STMN4: variants seen among roughly 807,000 people sequenced by gnomAD.
The protein encoded by STMN4 is stathmin-4.
STMN4 carries 12 observed loss-of-function variants against 29.1 expected under a neutral mutation model. That is an observed-to-expected ratio of 0.41 (90% CI 0.26 to 0.67). The LOEUF (loss-of-function observed/expected upper bound fraction) is 0.67. Among genes scored for constraint, STMN4 ranks in the 30% least tolerant of loss-of-function variants. The pLI, the probability that STMN4 is intolerant of heterozygous loss-of-function variation, is 0.30. For missense variants in STMN4, 181 were observed against 262.8 expected, an observed-to-expected ratio of 0.69 and a Z score of 2.15; for synonymous variants, 114 against 105.3, an observed-to-expected ratio of 1.08 and a Z score of -0.51.
chr8:27,244,688 C>G (rs1236518170), intron 1 of STMN4, among the ~76,000 whole-genome samples: 1 of 151,930 alleles, frequency 6.6e-6, no homozygotes, highest in Admixed American at 6.6e-5. Flanking sequence ...GTGAGAACGC[C>G]ACTCAGTGTC....
intron 3 of STMN4, 97 bp downstream of exon 3, chr8:27,242,300 G>T: frequency 8.3e-7 from 1 of 1,197,642 alleles, no homozygotes; most frequent in Non-Finnish European, 1.2e-6. Context: ...TGTCTCGGGA[G>T]GAGAGATTCA....
At chr8:27,239,657 T>C in intron 6 of STMN4, 1 of 1,391,874 alleles carries the variant, frequency 7.2e-7, no homozygotes, top group Non-Finnish European at 9.4e-7. Context: ...CCTGCTTGTC[T>C]ATCTCTACTC....
chr8:27,239,380 C>G, intron 6 of STMN4: 1 of 1,346,880 alleles, frequency 7.4e-7, no homozygotes, highest in South Asian at 1.3e-5. Flanking sequence ...CTCAGCAGAA[C>G]GGGCCGGTAT....
chr8:27,253,388 T>G (rs1801848260), intron 1 of STMN4, among the ~76,000 whole-genome samples: 1 of 152,270 alleles, frequency 6.6e-6, no homozygotes, highest in Non-Finnish European at 1.5e-5. Context: ...TCTAATGATT[T>G]TATTTGTGTG....
intron 1 of STMN4, among the ~76,000 whole-genome samples, chr8:27,244,856 G>A (rs1463857616): frequency 6.6e-6 from 1 of 152,210 alleles, no homozygotes; most frequent in Non-Finnish European, 1.5e-5. Context: ...CAAAGAGAGT[G>A]AGGAGCAGCC....
Position 27,242,454 on chromosome 8 carries a change from A to T in STMN4, c.52T>A (p.Leu18Met). Residue 18 changes from leucine (L) to methionine (M), a missense_variant, in exon 3 of 7, where the codon TTG becomes ATG. By Grantham distance (15) the Leu-to-Met change is conservative. Coordinates refer to ENST00000350889, the MANE Select transcript of STMN4 (RefSeq NM_030795.4). ...TCGGCCAGGAAGCAGGAGCAGAACAAGGACACCAGCGGGAGCTCCTTCATC... is the reference window on the plus strand; with the variant it reads ...TCGGCCAGGAAGCAGGAGCAGAACATGGACACCAGCGGGAGCTCCTTCATC... ...EKMKELPLVS[L>M]FCSCFLADPL... The T allele has an allele frequency of 6.2e-7, 1 of 1,614,194 alleles. No individual in the cohort carries two copies. Among genetic ancestry groups the T allele is most frequent in the Non-Finnish European group, 8.5e-7 (1 of 1,180,020 alleles).
chr8:27,250,686 C>T (rs1306728895), intron 1 of STMN4, among the ~76,000 whole-genome samples: 1 of 152,182 alleles, frequency 6.6e-6, no homozygotes, highest in African/African-American at 2.4e-5. Flanking sequence ...ACCTCTTAGG[C>T]TCTTGCTTCC....
At position 27,241,255 on chromosome 8, in the gene STMN4, C is replaced by A. The variant is rs758193010; in HGVS notation, c.198G>T (p.Thr66=). ...DWRERRAQAD[T]VDLNWCVISD... ...AAATGACGCACCAATTCAGGTCCAC[C>A]GTGTCTGCTACAGAGGGCAGAGAAG... Residue 66 remains threonine (T), a synonymous_variant, in exon 5 of 7, where the codon ACG becomes ACT. Coordinates refer to ENST00000350889, the MANE Select transcript of STMN4 (RefSeq NM_030795.4). 1 of 1,614,154 alleles carries A rather than the reference C, an allele frequency of 6.2e-7. No homozygotes were observed. Among genetic ancestry groups the A allele is most frequent in the Admixed American group, 1.7e-5 (1 of 60,024 alleles).
intron 1 of STMN4, among the ~76,000 whole-genome samples, chr8:27,247,892 C>T (rs1368373107): frequency 2.6e-5 from 4 of 152,242 alleles, no homozygotes; most frequent in Non-Finnish European, 2.9e-5. Context: ...CCCCATCCCT[C>T]AGAGGTTCCT....
chr8:27,248,338 T>G (rs1177551719), intron 1 of STMN4, among the ~76,000 whole-genome samples: 2 of 152,188 alleles, frequency 1.3e-5, no homozygotes, highest in South Asian at 4.1e-4. Flanking sequence ...TACTATGCAA[T>G]TGAGGTTCTG....
Position 27,244,307 on chromosome 8 carries a change from C to T in STMN4, c.-78-506G>A, listed in dbSNP as rs192931011. Among the ~76,000 whole-genome samples, 559 of 152,340 alleles carry T rather than the reference C, an allele frequency of 3.7e-3. 10 individuals carry two copies. Among genetic ancestry groups the T allele is most frequent in the Middle Eastern group, 0.031 (9 of 294 alleles). On this transcript the variant is annotated intron_variant, in intron 1 of 6. Coordinates refer to ENST00000350889, the MANE Select transcript of STMN4 (RefSeq NM_030795.4). ...GATGTTAACAGGCCTCTTCAGATGC[C>T]TCTCACCTTCCCTTTCCCAAGACGA... is the stretch of plus-strand genomic sequence containing the variant.
rs115084316 is a variant in STMN4 at position 27,247,381 on chromosome 8, G to A, written c.-78-3580C>T. On this transcript the variant is annotated intron_variant, in intron 1 of 6. Coordinates refer to ENST00000350889, the MANE Select transcript of STMN4 (RefSeq NM_030795.4). ...CAAGACCCAAAAGATATGCCCAGGG[G>A]ACATTCTGAGAAAGGACACAGAAGA... is the stretch of plus-strand genomic sequence containing the variant. 2.7e-3 allele frequency among the ~76,000 whole-genome samples: 411 copies of A among 152,308 alleles called. 2 individuals are homozygous for A. Among genetic ancestry groups the A allele is most frequent in the African/African-American group, 9.0e-3 (375 of 41,564 alleles).
intron 4 of STMN4, 59 bp downstream of exon 4, chr8:27,241,618 C>T: frequency 6.2e-7 from 1 of 1,603,624 alleles, no homozygotes; most frequent in Non-Finnish European, 8.5e-7. Context: ...CCCGCCCACC[C>T]CCGGCCACAG....
At chr8:27,250,475 T>C (rs972141158) in intron 1 of STMN4, among the ~76,000 whole-genome samples, 10 of 152,172 alleles carry the variant, frequency 6.6e-5, no homozygotes, top group African/African-American at 1.7e-4. Flanking sequence ...TCTAGAGCCA[T>C]TGGAGCCTTT....
intron 1 of STMN4, among the ~76,000 whole-genome samples, chr8:27,252,889 A>G (rs1427189603): frequency 1.3e-5 from 2 of 152,240 alleles, no homozygotes; most frequent in Non-Finnish European, 2.9e-5. Context: ...GGTGCATTCC[A>G]TGCTTAAAAT....
At chr8:27,255,380 T>C (rs556383153) in intron 1 of STMN4, among the ~76,000 whole-genome samples, 74 of 152,338 alleles carry the variant, frequency 4.9e-4, no homozygotes, top group African/African-American at 1.7e-3. Flanking sequence ...ACTCTATGTT[T>C]CCAAATGAGA....
At chr8:27,242,562 T>C in intron 2 of STMN4, 70 bp from the exon 3 acceptor site, 2 of 1,519,622 alleles carry the variant, frequency 1.3e-6, no homozygotes, top group South Asian at 1.2e-5. Flanking sequence ...CTCACGGGTC[T>C]GGGGCTCTGA....
At chr8:27,242,362 C>T (rs3739212) in intron 3 of STMN4, 35 bp downstream of exon 3, 782,316 of 1,607,122 alleles carry the variant, frequency 0.49, 193,864 homozygotes, top group Middle Eastern at 0.54. Context: ...CAGGGCCCCC[C>T]CGCCCCTCAC....
At chr8:27,241,621 G>A (rs1161422706) in intron 4 of STMN4, 56 bp downstream of exon 4, 10 of 1,496,376 alleles carry the variant, frequency 6.7e-6, no homozygotes, top group African/African-American at 2.8e-5. Context: ...GCCCACCCCC[G>A]GCCACAGCCC....
Sources: gnomAD v4.1 joint callset for allele counts (sites outside exome capture counted in the v4.1 genomes callset) on GRCh38, gnomAD v4.1.1 for gene constraint, MANE v1.5 for transcripts, NCBI Gene and HGNC (gene_info 2026-07-23, HGNC 2026-07-21) for gene names.